Variants in VAV2 observed in about 807,000 individuals in gnomAD.
VAV2 encodes vav guanine nucleotide exchange factor 2.
Under a neutral mutation model 132.5 loss-of-function variants are expected in VAV2, and 67 were observed. The ratio of observed to expected loss-of-function variants is 0.51; its 90% CI spans 0.42 to 0.62. VAV2 has a LOEUF of 0.62. VAV2 is among the 20% of genes least tolerant of loss of function. The pLI, the probability that VAV2 is intolerant of heterozygous loss-of-function variation, is 0.00. For missense variants in VAV2, 938 were observed against 1,153.6 expected (o/e 0.81, Z 2.71); for synonymous variants, 492 against 443.5 (o/e 1.11, Z -1.37).
intron 3 of VAV2, among the ~76,000 whole-genome samples, chr9:133,844,263 C>G (rs575349564): frequency 5.9e-5 from 9 of 152,316 alleles, no homozygotes; most frequent in Admixed American, 3.9e-4. Flanking sequence ...GTAAGGGAAC[C>G]TCGGCTGGCA....
chr9:133,766,177 A>G (rs945565632), intron 29 of VAV2, among the ~76,000 whole-genome samples: 2 of 152,234 alleles, frequency 1.3e-5, no homozygotes, highest in South Asian at 4.1e-4. Flanking sequence ...AAATAAGCAC[A>G]ACAGCCTAAA....
chr9:133,828,234 C>T (rs111797233), intron 4 of VAV2, among the ~76,000 whole-genome samples: 149 of 10,450 alleles, frequency 0.014, 33 homozygotes, highest in East Asian at 0.066. Flanking sequence ...CCTACCGCTG[C>T]GCCCACTGGG....
chr9:133,918,092 CATG>C lies in VAV2; in HGVS notation c.321+21008_321+21010del, dbSNP rs1840164973. Among the ~76,000 whole-genome samples, 1 of 152,176 alleles carries C rather than the reference CATG, an allele frequency of 6.6e-6. No homozygotes were observed. Among genetic ancestry groups the C allele is most frequent in the African/African-American group, 2.4e-5 (1 of 41,436 alleles). ...TGATTGAGACTCTAACACCATTAAACATGATTTAATTTGCTTTTCCTAATGATA... is the reference window on the plus strand; with the variant it reads ...TGATTGAGACTCTAACACCATTAAACATTTAATTTGCTTTTCCTAATGATA... On this transcript the variant is annotated intron_variant, in intron 2 of 29. Transcript: ENST00000371850. The surrounding 1 kb of genome is among the most constrained non-coding windows in gnomAD (Gnocchi z 4.7).
chr9:133,968,423 G>A (rs12344817), intron 1 of VAV2, among the ~76,000 whole-genome samples: 8,024 of 152,180 alleles, frequency 0.053, 646 homozygotes, highest in African/African-American at 0.18. Flanking sequence ...GTTGTGGGGG[G>A]GAAAAACACC....
chr9:133,812,275 G>A, intron 4 of VAV2, 59 bp from the exon 5 acceptor site: 1 of 1,557,368 alleles, frequency 6.4e-7, no homozygotes, highest in Non-Finnish European at 8.8e-7. Flanking sequence ...TGACCGGGGA[G>A]CCGCAGAGCA....
rs1339232041 is a variant in VAV2, at chr9:133,834,919, T to A, written c.381-579A>T. Among the ~76,000 whole-genome samples the A allele has an allele frequency of 5.9e-5, 9 of 152,092 alleles. No individual in the cohort carries two copies. The highest frequency in any genetic ancestry group is 2.1e-4 in the South Asian group (1 of 4,812). On this transcript the variant is annotated intron_variant, in intron 3 of 29. Transcript: ENST00000371850. The surrounding 1 kb of genome is among the most constrained non-coding windows in gnomAD (Gnocchi z 5.9). ...AAAGCCCTCGGACCTTCCGCCTGGA[T>A]CCACAGCCTCCCCTCCTACAAAGGG... is the stretch of plus-strand genomic sequence containing the variant.
intron 2 of VAV2, among the ~76,000 whole-genome samples, chr9:133,937,378 G>A (rs569832114): frequency 2.0e-5 from 3 of 150,342 alleles, no homozygotes; most frequent in East Asian, 1.9e-4. Flanking sequence ...TGTGTGTGGT[G>A]TGTCCATGGA....
At chr9:133,901,992 G>A (rs10993849) in intron 2 of VAV2, among the ~76,000 whole-genome samples, 10,645 of 152,176 alleles carry the variant, frequency 0.07, 517 homozygotes, top group South Asian at 0.1. Context: ...TGGTCTGCAC[G>A]TCAGGAGACT....
chr9:133,762,726 C>T lies in VAV2; in HGVS notation c.*1336G>A, dbSNP rs1325804816. On this transcript the variant is annotated 3_prime_UTR_variant, in exon 30 of 30. Coordinates refer to ENST00000371850, the MANE Select transcript of VAV2 (RefSeq NM_001134398.2). This position sits in a 1 kb window ranked among gnomAD's most constrained non-coding sequence, Gnocchi z 5.0. ...CCCCAGAGGCATACAGCCCAGAGGCCACAAGGCCAACCTCAGAAGGAGCCC... is the reference window on the plus strand; with the variant it reads ...CCCCAGAGGCATACAGCCCAGAGGCTACAAGGCCAACCTCAGAAGGAGCCC... The T allele has an allele frequency of 1.3e-5, 2 of 152,588 alleles. No homozygotes were observed. Among genetic ancestry groups the T allele is most frequent in the Non-Finnish European group, 2.9e-5 (2 of 68,278 alleles). The allele number at this position is 152,588 out of a possible 1,614,324, so 9.5% of individuals were successfully genotyped here.
chr9:133,867,101 C>A (rs1008572334), intron 2 of VAV2, among the ~76,000 whole-genome samples: 1 of 152,146 alleles, frequency 6.6e-6, no homozygotes, highest in African/African-American at 2.4e-5. Context: ...CACAACACCG[C>A]CCGTGAGTGC....
intron 11 of VAV2, 49 bp from the exon 12 acceptor site, chr9:133,795,785 C>CT (rs780252282): frequency 6.3e-7 from 1 of 1,597,562 alleles, no homozygotes; most frequent in Admixed American, 1.7e-5. Context: ...GGGTTCTGGC[C>CT]TCTGCCCTGG....
chr9:133,847,100 A>G (rs865780265), intron 3 of VAV2, among the ~76,000 whole-genome samples: 7 of 152,176 alleles, frequency 4.6e-5, no homozygotes, highest in Non-Finnish European at 8.8e-5. Context: ...TCAGGCCTAC[A>G]GCCTTAAGTT....
chr9:133,770,246 G>A (rs187732903), intron 27 of VAV2, 132 bp downstream of exon 27: 1 of 1,394,098 alleles, frequency 7.2e-7, no homozygotes, highest in Non-Finnish European at 9.6e-7. Context: ...GGCTGGGGGA[G>A]GGGCGGGGGC....
At chr9:133,774,106 C>T (rs548255256) in intron 25 of VAV2, among the ~76,000 whole-genome samples, 1 of 152,374 alleles carries the variant, frequency 6.6e-6, no homozygotes, top group Admixed American at 6.5e-5. Flanking sequence ...CACCACAACC[C>T]AGTGGGACAT....
intron 2 of VAV2, among the ~76,000 whole-genome samples, chr9:133,889,065 G>A (rs1334488413): frequency 1.3e-5 from 2 of 152,194 alleles, no homozygotes; most frequent in East Asian, 1.9e-4. Flanking sequence ...GATGGCCTGA[G>A]GCAGGTCCGG....
intron 2 of VAV2, among the ~76,000 whole-genome samples, chr9:133,886,099 A>T (rs1838692648): frequency 6.6e-6 from 1 of 152,232 alleles, no homozygotes; most frequent in African/African-American, 2.4e-5. Flanking sequence ...GATGCAGCTC[A>T]GAAACCAGGG....
intron 1 of VAV2, among the ~76,000 whole-genome samples, chr9:133,973,569 G>A (rs899493080): frequency 2.0e-5 from 3 of 152,208 alleles, no homozygotes; most frequent in Non-Finnish European, 4.4e-5. Context: ...AGAAGCTGGC[G>A]CAGACGAGCT....
intron 2 of VAV2, among the ~76,000 whole-genome samples, chr9:133,868,675 A>G (rs1837905470): frequency 6.6e-6 from 1 of 152,250 alleles, no homozygotes; most frequent in African/African-American, 2.4e-5. Context: ...TTATGACTTT[A>G]GAAGACACTC....
At chr9:133,838,589 G>A (rs1390772408) in intron 3 of VAV2, among the ~76,000 whole-genome samples, 1 of 146,744 alleles carries the variant, frequency 6.8e-6, no homozygotes, top group African/African-American at 2.5e-5. Flanking sequence ...ATGGATGAAT[G>A]GGTGGGTGGA....
Sources: gnomAD v4.1 joint callset for allele counts (sites outside exome capture counted in the v4.1 genomes callset) on GRCh38, gnomAD v4.1.1 for gene constraint, Gnocchi (gnomAD v3.1) non-coding constraint, MANE v1.5 for transcripts, NCBI Gene and HGNC (gene_info 2026-07-23, HGNC 2026-07-21) for gene names.